Variants in CNTN6 observed in about 807,000 individuals in gnomAD.
CNTN6 encodes contactin 6.
In CNTN6, 137 loss-of-function variants were observed where a neutral mutation model predicts 122.8. That is an observed-to-expected ratio of 1.12 (90% CI 0.97 to 1.29). The LOEUF (loss-of-function observed/expected upper bound fraction) is 1.29. Ranked by LOEUF, CNTN6 falls within the 50% of genes most tolerant of loss-of-function variation. CNTN6 has a pLI of 0.00. For synonymous variants in CNTN6, 570 were observed against 426.0 expected (o/e 1.34, Z -4.16); for missense variants, 1,634 against 1,223.4 (o/e 1.34, Z -5.01).
chr3:1,270,884 T>G (rs916153941), intron 4 of CNTN6, among the ~76,000 whole-genome samples: 1 of 148,660 alleles, frequency 6.7e-6, no homozygotes, highest in East Asian at 1.9e-4. Context: ...TTTGTTTCTT[T>G]ACTTTGTCTT....
chr3:1,232,585 C>A (rs2094365959), intron 4 of CNTN6, among the ~76,000 whole-genome samples: 1 of 152,190 alleles, frequency 6.6e-6, no homozygotes, highest in African/African-American at 2.4e-5. Context: ...GTATCATGAT[C>A]TTCACTTTCA....
At chr3:1,379,081 G>A (rs1345945808) in intron 17 of CNTN6, among the ~76,000 whole-genome samples, 1 of 152,042 alleles carries the variant, frequency 6.6e-6, no homozygotes, top group Non-Finnish European at 1.5e-5. Context: ...CTCCTCCTTG[G>A]TAAGAAATTC....
chr3:1,377,191 TA>T lies in CNTN6; in HGVS notation c.2166+121del, dbSNP rs745936054. 183 of 617,138 alleles carry T rather than the reference TA, an allele frequency of 3.0e-4. 1 individual carries two copies. The highest frequency in any genetic ancestry group is 2.5e-3 in the South Asian group (90 of 36,548). The allele number at this position is 617,138 out of a possible 1,614,324, so 38.2% of individuals were successfully genotyped here. ...ATTGAGAGCGTAAAAAAATATGGTA[TA>T]AAAATACATCATCCTGATGATGAAT... On this transcript the variant is annotated intron_variant, in intron 17 of 22. Transcript: ENST00000446702.
At chr3:1,244,909 G>T (rs572908682) in intron 4 of CNTN6, among the ~76,000 whole-genome samples, 1 of 149,630 alleles carries the variant, frequency 6.7e-6, no homozygotes, top group Non-Finnish European at 1.5e-5. Context: ...TCTTAAGGGT[G>T]GGGGAGATTA....
In CNTN6 at chr3:1,245,197, GATATATATATATATAT is replaced by G. The variant is rs1217220571; in HGVS notation, c.358+17228_358+17243del. 9.8e-3 allele frequency among the ~76,000 whole-genome samples: 198 copies of G among 20,208 alleles called. 72 individuals are homozygous for G. The highest frequency in any genetic ancestry group is 0.022 in the African/African-American group (132 of 5,962). The allele number at this position is 20,208 out of a possible 152,430, so 13.3% of individuals were successfully genotyped here. On this transcript the variant is annotated intron_variant, in intron 4 of 22. Transcript: ENST00000446702. Reference sequence around the variant, plus strand: ...TCAACAAGTAGGGTAAAGAAAATGTGATATATATATATATATATATATATATATATATATATATACA... The same window carrying G: ...TCAACAAGTAGGGTAAAGAAAATGTGATATATATATATATATATATATACA...
At chr3:1,339,451 G>A (rs143729532) in intron 11 of CNTN6, among the ~76,000 whole-genome samples, 1 of 152,272 alleles carries the variant, frequency 6.6e-6, no homozygotes, top group East Asian at 1.9e-4. Flanking sequence ...TGAGCTCAGA[G>A]TCTCCTGGGG....
chr3:1,202,579 TAA>T lies in CNTN6; in HGVS notation c.56-18106_56-18105del, dbSNP rs2093900071. On this transcript the variant is annotated intron_variant, in intron 2 of 22. Transcript: ENST00000446702. ...ATAAATAAATAAATAAATAAATAAA[TAA>T]ATAAATACAAATAAAATAAAATAAA... Among the ~76,000 whole-genome samples the T allele has an allele frequency of 2.3e-5, 3 of 128,020 alleles. No individual in the cohort carries two copies. The South Asian group carries it at 8.1e-4, about 35-fold the overall frequency. The allele number at this position is 128,020 out of a possible 152,430, so 84.0% of individuals were successfully genotyped here.
At chr3:1,167,047 T>TAAAAAAAAAAAA (rs764885215) in intron 2 of CNTN6, among the ~76,000 whole-genome samples, 1 of 131,272 alleles carries the variant, frequency 7.6e-6, no homozygotes. Flanking sequence ...AACTTAAAAT[T>TAAAAAAAAAAAA]AAAAAAAAAA....
At chr3:1,357,356 T>C (rs941902204) in intron 12 of CNTN6, among the ~76,000 whole-genome samples, 3 of 151,900 alleles carry the variant, frequency 2.0e-5, no homozygotes, top group African/African-American at 7.2e-5. Context: ...AACGTGGAAC[T>C]TGACGACTTA....
chr3:1,238,219 T>A (rs2094444100), intron 4 of CNTN6, among the ~76,000 whole-genome samples: 1 of 152,102 alleles, frequency 6.6e-6, no homozygotes, highest in South Asian at 2.1e-4. Context: ...AGAACTCAAA[T>A]TTACTTATAG....
At chr3:1,251,344 A>G (rs759338783) in intron 4 of CNTN6, among the ~76,000 whole-genome samples, 1 of 152,126 alleles carries the variant, frequency 6.6e-6, no homozygotes, top group Non-Finnish European at 1.5e-5. Flanking sequence ...GACTCCAGCA[A>G]TACTTTGACT....
At chr3:1,268,870 A>G (rs1025864011) in intron 4 of CNTN6, among the ~76,000 whole-genome samples, 3 of 152,184 alleles carry the variant, frequency 2.0e-5, no homozygotes, top group Non-Finnish European at 4.4e-5. Context: ...AATCCTAGCT[A>G]CTCAGAAGGC....
intron 11 of CNTN6, among the ~76,000 whole-genome samples, chr3:1,351,877 C>G (rs1432507757): frequency 1.3e-5 from 2 of 151,866 alleles, no homozygotes; most frequent in Non-Finnish European, 2.9e-5. Context: ...TCTGTGGCCA[C>G]AGAAAATGCT....
At chr3:1,354,013 A>G (rs1706118297) in intron 12 of CNTN6, among the ~76,000 whole-genome samples, 1 of 151,560 alleles carries the variant, frequency 6.6e-6, no homozygotes, top group Non-Finnish European at 1.5e-5. Flanking sequence ...TAAGAAAAAC[A>G]CAAGTTAATG....
chr3:1,101,568 C>G (rs2090898317), intron 1 of CNTN6, among the ~76,000 whole-genome samples: 1 of 152,128 alleles, frequency 6.6e-6, no homozygotes, highest in South Asian at 2.1e-4. Flanking sequence ...TTATCAGGTA[C>G]TCTTATGGTT....
intron 13 of CNTN6, 44 bp from the exon 14 acceptor site, chr3:1,372,794 A>G: frequency 3.4e-6 from 4 of 1,188,696 alleles, no homozygotes; most frequent in Non-Finnish European, 4.9e-6. Context: ...AGGACTTGTT[A>G]TATGGGCTTA....
chr3:1,340,054 G>A (rs1051512900), intron 11 of CNTN6, among the ~76,000 whole-genome samples: 1 of 152,040 alleles, frequency 6.6e-6, no homozygotes, highest in African/African-American at 2.4e-5. Context: ...ACATACCTAT[G>A]AGAGGCATTT....
intron 20 of CNTN6, among the ~76,000 whole-genome samples, chr3:1,386,647 A>G (rs986729141): frequency 6.6e-6 from 1 of 152,142 alleles, no homozygotes; most frequent in Non-Finnish European, 1.5e-5. Flanking sequence ...TATTCCTTAT[A>G]TATTATTAAT....
At chr3:1,314,279 C>T (rs1473840880) in intron 7 of CNTN6, among the ~76,000 whole-genome samples, 2 of 152,030 alleles carry the variant, frequency 1.3e-5, no homozygotes, top group Non-Finnish European at 2.9e-5. Context: ...GAAAATGTAG[C>T]AAAGGCATTC....
Sources: allele counts gnomAD v4.1 joint callset (sites outside exome capture counted in the v4.1 genomes callset), GRCh38; gene constraint gnomAD v4.1.1; transcripts MANE v1.5; gene names NCBI Gene and HGNC (gene_info 2026-07-23, HGNC 2026-07-21).